The following BICD1 variants were observed in gnomAD, a reference collection of about 807,000 sequenced individuals.
The protein encoded by BICD1 is BICD cargo adaptor 1, also known as protein bicaudal D homolog 1.
Under a neutral mutation model 92.5 loss-of-function variants are expected in BICD1, and 35 were observed. That is an observed-to-expected ratio of 0.38 (90% confidence interval 0.29 to 0.50). The LOEUF is 0.50. BICD1 is among the 20% of genes least tolerant of loss of function. The pLI is 0.93. For synonymous variants in BICD1, 429 were observed against 465.1 expected (o/e 0.92, Z 1.00); for missense variants, 950 against 1,189.8 (o/e 0.80, Z 2.97).
intron 1 of BICD1, among the ~76,000 whole-genome samples, chr12:32,171,988 C>CACACATATAT (rs1555141634): frequency 0.011 from 1,446 of 132,504 alleles, 21 homozygotes; most frequent in Middle Eastern, 0.042. Flanking sequence ...CACACACACA[C>CACACATATAT]ACTAAAACTG....
intron 2 of BICD1, among the ~76,000 whole-genome samples, chr12:32,232,052 G>A (rs1342537569): frequency 6.6e-6 from 1 of 151,430 alleles, no homozygotes; most frequent in Non-Finnish European, 1.5e-5. Context: ...AAACATACGT[G>A]TGCATGTGTC....
Position 32,293,982 on chromosome 12 carries a change from CTG to C in BICD1, c.427-10_427-9del. Reference sequence around the variant, plus strand: ...GAGAGTTATATATTGACTGTTTACTCTGTTGTTTCAGAACAATGAGATGGTGG... The same window carrying C: ...GAGAGTTATATATTGACTGTTTACTCTTGTTTCAGAACAATGAGATGGTGG... On this transcript the variant is annotated splice_polypyrimidine_tract_variant and intron_variant, in intron 2 of 9. Transcript: ENST00000652176. The C allele has an allele frequency of 6.2e-7, 1 of 1,610,592 alleles. No individual in the cohort carries two copies. Among genetic ancestry groups the C allele is most frequent in the Non-Finnish European group, 8.5e-7 (1 of 1,178,942 alleles).
In BICD1 at chr12:32,143,463, T is replaced by TG. The variant is rs1565544511; in HGVS notation, c.213+35919_213+35920insG. ...TTTTTCTTTCATTTAACATTTTTTTTTGTGTGTGTGTGAGATTCTCCAGGT... is the reference window on the plus strand; with the variant it reads ...TTTTTCTTTCATTTAACATTTTTTTTGTGTGTGTGTGTGAGATTCTCCAGGT... On this transcript the variant is annotated intron_variant, in intron 1 of 9. Transcript: ENST00000652176. Among the ~76,000 whole-genome samples the TG allele has an allele frequency of 3.9e-5, 6 of 151,944 alleles. No individual in the cohort carries two copies. In the East Asian group the frequency reaches 7.8e-4, roughly 20 times the overall value.
intron 1 of BICD1, among the ~76,000 whole-genome samples, chr12:32,147,362 C>T (rs1210636640): frequency 1.2e-4 from 18 of 152,190 alleles, no homozygotes; most frequent in South Asian, 2.1e-4. Flanking sequence ...AAATCCACAA[C>T]GCTCATTTCA....
At chr12:32,169,480 T>C (rs539784318) in intron 1 of BICD1, among the ~76,000 whole-genome samples, 37 of 152,226 alleles carry the variant, frequency 2.4e-4, no homozygotes, top group Non-Finnish European at 4.9e-4. Context: ...CTCTCTGCTA[T>C]GTTGCCCAGG....
chr12:32,249,452 CT>C (rs1592554000), intron 2 of BICD1, among the ~76,000 whole-genome samples: 1 of 152,286 alleles, frequency 6.6e-6, no homozygotes, highest in East Asian at 1.9e-4. Context: ...TTCCTTGTCT[CT>C]TTTCCCCCTT....
intron 1 of BICD1, among the ~76,000 whole-genome samples, chr12:32,187,547 C>T (rs1452691794): frequency 6.6e-6 from 1 of 152,092 alleles, no homozygotes; most frequent in African/African-American, 2.4e-5. Context: ...TGGCGCGCTC[C>T]TATAATCCCA....
At chr12:32,163,085 C>T (rs1207256663) in intron 1 of BICD1, among the ~76,000 whole-genome samples, 2 of 152,150 alleles carry the variant, frequency 1.3e-5, no homozygotes, top group South Asian at 2.1e-4. Flanking sequence ...ATGAATATCT[C>T]TTACACATGT....
chr12:32,313,446 G>C lies in BICD1; in HGVS notation c.1005+7324G>C, dbSNP rs1345649325. Among the ~76,000 whole-genome samples, 2 of 152,128 alleles carry C rather than the reference G, an allele frequency of 1.3e-5. No homozygotes were observed. The highest frequency in any genetic ancestry group is 4.8e-5 in the African/African-American group (2 of 41,418). Reference sequence around the variant, plus strand: ...ATTATAGATAGGGAAACTGAGGCATGACTGTGTTATGTCATTAGTTCAAGG... The same window carrying C: ...ATTATAGATAGGGAAACTGAGGCATCACTGTGTTATGTCATTAGTTCAAGG... On this transcript the variant is annotated intron_variant, in intron 4 of 9. Transcript: ENST00000652176. This position sits in a 1 kb window ranked among gnomAD's most constrained non-coding sequence, Gnocchi z 4.2.
chr12:32,157,385 T>G (rs1479506956), intron 1 of BICD1, among the ~76,000 whole-genome samples: 1 of 152,208 alleles, frequency 6.6e-6, no homozygotes, highest in East Asian at 1.9e-4. Context: ...ATTGAAGGGA[T>G]GAAATGTTGG....
chr12:32,206,555 G>A (rs58039881), intron 1 of BICD1, among the ~76,000 whole-genome samples: 4,734 of 152,182 alleles, frequency 0.031, 239 homozygotes, highest in African/African-American at 0.11. Context: ...GCAGTGAGCC[G>A]AGATCACGCC....
intron 2 of BICD1, among the ~76,000 whole-genome samples, chr12:32,217,959 G>A (rs965506874): frequency 5.3e-5 from 8 of 152,212 alleles, no homozygotes; most frequent in Non-Finnish European, 1.2e-4. Flanking sequence ...GTGTGCACAC[G>A]CATGCAGGTG....
Position 32,381,438 on chromosome 12 carries a change from T to C in BICD1, c.*3811T>C, listed in dbSNP as rs1565710020. On this transcript the variant is annotated 3_prime_UTR_variant, in exon 10 of 10. Transcript: ENST00000652176. Reference sequence around the variant, plus strand: ...TTTTTTCGTGCTTTGGAAAATATCCTTGTGCAGATAAGTTCTTCTGTTTGA... The same window carrying C: ...TTTTTTCGTGCTTTGGAAAATATCCCTGTGCAGATAAGTTCTTCTGTTTGA... The C allele has an allele frequency of 6.6e-6, 1 of 152,092 alleles. No individual in the cohort carries two copies. The allele number at this position is 152,092 out of a possible 1,614,324, so 9.4% of individuals were successfully genotyped here. A position where few individuals can be genotyped will look rare whatever the true frequency, so the allele number is the denominator to read the frequency against.
In BICD1 at chr12:32,242,508, C is replaced by G. The variant is rs1194816437; in HGVS notation, c.426+26049C>G. 2.0e-5 allele frequency among the ~76,000 whole-genome samples: 3 copies of G among 151,104 alleles called. 1 individual carries two copies. Among genetic ancestry groups the G allele is most frequent in the Admixed American group, 2.0e-4 (3 of 15,154 alleles). On this transcript the variant is annotated intron_variant, in intron 2 of 9. Transcript: ENST00000652176. ...TGCCACTGCACTTTAGCCTGGCCGA[C>G]AGAGCGAGACTCTGTCTTAAAAGAA... is the stretch of plus-strand genomic sequence containing the variant.
intron 1 of BICD1, among the ~76,000 whole-genome samples, chr12:32,174,537 T>C (rs970776765): frequency 6.6e-6 from 1 of 152,168 alleles, no homozygotes; most frequent in Non-Finnish European, 1.5e-5. Context: ...TCCATTGGAT[T>C]ACTCTTTGTT....
chr12:32,151,797 C>G (rs1943294810), intron 1 of BICD1, among the ~76,000 whole-genome samples: 1 of 152,122 alleles, frequency 6.6e-6, no homozygotes, highest in Non-Finnish European at 1.5e-5. Flanking sequence ...GCAGGGCATC[C>G]CTACCTCTGC....
chr12:32,148,149 A>AAAAAAAAAAAG (rs1354029954), intron 1 of BICD1, among the ~76,000 whole-genome samples: 1 of 150,940 alleles, frequency 6.6e-6, no homozygotes, highest in Non-Finnish European at 1.5e-5. Flanking sequence ...CTCCAAAAAA[A>AAAAAAAAAAAG]AAAGAATCTG....
At chr12:32,180,029 AT>A (rs1944228136) in intron 1 of BICD1, among the ~76,000 whole-genome samples, 2 of 149,418 alleles carry the variant, frequency 1.3e-5, no homozygotes, top group African/African-American at 4.9e-5. Context: ...ACTAAAGAGG[AT>A]TTAAGGTGGA....
At chr12:32,245,954 C>T (rs113835352) in intron 2 of BICD1, among the ~76,000 whole-genome samples, 5,931 of 133,286 alleles carry the variant, frequency 0.044, 425 homozygotes, top group African/African-American at 0.16. Context: ...CGCTTGAACC[C>T]AGGAGGCAGA....
Sources: allele counts gnomAD v4.1 joint callset (sites outside exome capture counted in the v4.1 genomes callset), GRCh38; gene constraint gnomAD v4.1.1; non-coding constraint Gnocchi (gnomAD v3.1); transcripts MANE v1.5; gene names NCBI Gene and HGNC (gene_info 2026-07-23, HGNC 2026-07-21).